The following PTBP3 variants were observed in gnomAD, a reference collection of about 807,000 sequenced individuals.
The protein encoded by PTBP3 is polypyrimidine tract-binding protein 3.
A neutral mutation model predicts 58.7 loss-of-function variants in PTBP3; 20 were observed. That is an observed-to-expected ratio of 0.34 (90% CI 0.24 to 0.50). PTBP3 has a LOEUF of 0.50. Ranked by LOEUF, PTBP3 falls within the 20% of genes least tolerant of loss-of-function variation. The probability of loss-of-function intolerance (pLI) is 0.98; values close to 1 mark genes in which losing one functional copy is unlikely to be tolerated. For synonymous variants in PTBP3, 185 were observed against 219.8 expected (o/e 0.84, Z 1.40); for missense variants, 509 against 637.2 (o/e 0.80, Z 2.17).
intron 12 of PTBP3, among the ~76,000 whole-genome samples, chr9:112,225,062 G>A (rs888415719): frequency 6.6e-6 from 1 of 152,156 alleles, no homozygotes; most frequent in Non-Finnish European, 1.5e-5. Context: ...AACAATATGA[G>A]ATAATAAACA....
chr9:112,252,745 G>A lies in PTBP3; in HGVS notation c.560C>T (p.Thr187Ile), dbSNP rs1354325454. 2 of 1,612,210 alleles carry A rather than the reference G, an allele frequency of 1.2e-6. No homozygotes were observed. The highest frequency in any genetic ancestry group is 1.1e-5 in the South Asian group (1 of 90,952). Reference protein sequence around the residue: ...FGTVLKIITFTKNNQFQALLQ... With the variant: ...FGTVLKIITFIKNNQFQALLQ... ...CAAGGCTTGAAACTGATTATTCTTT[G>A]TAAAGGTGATAATCTTCAAGACTGT... The change falls in exon 6 of 14, where the codon ACA (threonine) becomes ATA (isoleucine). Residue 187 changes from threonine to isoleucine, a missense_variant. Coordinates refer to ENST00000374257, the MANE Select transcript of PTBP3 (RefSeq NM_001163788.4).
At chr9:112,256,294 CATAT>C (rs370450580) in intron 5 of PTBP3, among the ~76,000 whole-genome samples, 42 of 59,014 alleles carry the variant, frequency 7.1e-4, no homozygotes, top group South Asian at 8.3e-4. Flanking sequence ...TATATATATA[CATAT>C]ATATATATAT....
intron 3 of PTBP3, among the ~76,000 whole-genome samples, 172 bp downstream of exon 3, chr9:112,275,669 TTAC>T (rs370260909): frequency 1.8e-4 from 28 of 152,288 alleles, no homozygotes; most frequent in African/African-American, 6.5e-4. Context: ...GTTTCCTGTG[TTAC>T]TACTGTTTGT....
At chr9:112,356,311 C>G in the PTBP3 span, among the ~76,000 whole-genome samples, 62 of 152,094 alleles carry the variant, frequency 4.1e-4, no homozygotes, top group African/African-American at 1.5e-3. Context: ...CCCAGAAGTC[C>G]TTCCCAGCAT....
In PTBP3 at chr9:112,325,718, T is replaced by C. The variant is rs114565172; in HGVS notation, c.-52+7752A>G. 4.7e-3 allele frequency among the ~76,000 whole-genome samples: 710 copies of C among 152,150 alleles called. 6 individuals are homozygous for C. Among genetic ancestry groups the C allele is most frequent in the African/African-American group, 0.016 (680 of 41,506 alleles). ...TTTATGCTCTATGATTCCATTTATA[T>C]GAGGTTCAAAAACAGGTAAAACTGG... On this transcript the variant is annotated intron_variant, in intron 1 of 13. Transcript: ENST00000374257.
the PTBP3 span, among the ~76,000 whole-genome samples, chr9:112,355,199 T>G: frequency 2.6e-5 from 4 of 152,162 alleles, no homozygotes; most frequent in African/African-American, 9.7e-5. Flanking sequence ...GACCAACCCC[T>G]GTGAGTGGGG....
intron 3 of PTBP3, among the ~76,000 whole-genome samples, chr9:112,272,079 ATT>A (rs796393403): frequency 1.5e-4 from 22 of 147,050 alleles, no homozygotes; most frequent in African/African-American, 3.3e-4. Flanking sequence ...TTTATTTTTT[ATT>A]TTTTTTTTGA....
rs74919015 is a variant in PTBP3 at position 112,259,902 on chromosome 9, A to C, written c.516+2533T>G. ...GAACTAGTTTCTTACATTGCTCTTT[A>C]CTAGCATTTGATCATTAGAGCTAAT... On this transcript the variant is annotated intron_variant, in intron 5 of 13. Transcript: ENST00000374257. Among the ~76,000 whole-genome samples the C allele has an allele frequency of 6.1e-3, 929 of 152,286 alleles. 27 individuals carry two copies. Among genetic ancestry groups the C allele is most frequent in the East Asian group, 0.011 (59 of 5,188 alleles).
intron 7 of PTBP3, among the ~76,000 whole-genome samples, chr9:112,249,026 C>A (rs1835996443): frequency 6.6e-6 from 1 of 152,060 alleles, no homozygotes; most frequent in Non-Finnish European, 1.5e-5. Context: ...AGCATGAGTC[C>A]ATTTATGTAA....
chr9:112,220,843 T>G lies in PTBP3; in HGVS notation c.*3008A>C, dbSNP rs550886633. ...TACTTTGTGTAGAAGTCAAGACACCTTGAAAAGTGATGACAATACTCCTTA... is the reference window on the plus strand; with the variant it reads ...TACTTTGTGTAGAAGTCAAGACACCGTGAAAAGTGATGACAATACTCCTTA... On this transcript the variant is annotated 3_prime_UTR_variant, in exon 14 of 14. Transcript: ENST00000374257. 506 of 969,496 alleles carry G rather than the reference T, an allele frequency of 5.2e-4. 3 individuals are homozygous for G. In the African/African-American group the frequency reaches 8.4e-3, roughly 16 times the overall value. The allele number at this position is 969,496 out of a possible 1,614,324, so 60.1% of individuals were successfully genotyped here.
the PTBP3 span, among the ~76,000 whole-genome samples, chr9:112,339,185 G>A: frequency 6.6e-6 from 1 of 151,538 alleles, no homozygotes; most frequent in African/African-American, 2.4e-5. Context: ...CAGCTACTCA[G>A]GAGGCTGAGG....
intron 5 of PTBP3, among the ~76,000 whole-genome samples, chr9:112,253,012 G>T (rs1241601671): frequency 6.6e-6 from 1 of 152,048 alleles, no homozygotes; most frequent in Non-Finnish European, 1.5e-5. Context: ...CTATTTTATG[G>T]GATATATAAA....
chr9:112,318,565 G>C (rs1437786990), intron 1 of PTBP3, among the ~76,000 whole-genome samples: 1 of 151,992 alleles, frequency 6.6e-6, no homozygotes, highest in East Asian at 1.9e-4. Flanking sequence ...TTCAAGACCA[G>C]CTTGGCCAAT....
chr9:112,294,665 T>C lies in PTBP3; in HGVS notation c.34+3167A>G, dbSNP rs141899739. ...ACTCATTTATGGAGGTTCCAGTGAA[T>C]ACATAACAAGTTAACAAAACAATCC... is the stretch of plus-strand genomic sequence containing the variant. On this transcript the variant is annotated intron_variant, in intron 2 of 13. Coordinates refer to ENST00000374257, the MANE Select transcript of PTBP3 (RefSeq NM_001163788.4). Among the ~76,000 whole-genome samples the C allele has an allele frequency of 7.4e-3, 1,123 of 152,320 alleles. 7 individuals carry two copies. The highest frequency in any genetic ancestry group is 0.02 in the Middle Eastern group (6 of 294).
chr9:112,377,049 T>G, the PTBP3 span, among the ~76,000 whole-genome samples: 2 of 152,262 alleles, frequency 1.3e-5, no homozygotes, highest in African/African-American at 4.8e-5. Flanking sequence ...GTTGTGTTAC[T>G]TCCCCATTGT....
chr9:112,333,917 C>G (rs1351346810), upstream of PTBP3, among the ~76,000 whole-genome samples: 1 of 150,472 alleles, frequency 6.6e-6, no homozygotes, highest in East Asian at 2.0e-4. Flanking sequence ...CCTTGTGCTT[C>G]CCGCTCCGCC....
At position 112,228,369 on chromosome 9, in the gene PTBP3, A is replaced by G. The variant is rs1366161525; in HGVS notation, c.1147+11T>C. 1 of 1,562,926 alleles carries G rather than the reference A, an allele frequency of 6.4e-7. No homozygotes were observed. Among genetic ancestry groups the G allele is most frequent in the Non-Finnish European group, 8.6e-7 (1 of 1,156,290 alleles). On this transcript the variant is annotated intron_variant, in intron 11 of 13. Coordinates refer to ENST00000374257, the MANE Select transcript of PTBP3 (RefSeq NM_001163788.4). ...TTCACATTATTATTAATAATTATTA[A>G]TCATTAGTACCTAGCTGAGCTTGAT...
chr9:112,224,268 T>C, intron 12 of PTBP3, 58 bp from the exon 13 acceptor site: 2 of 1,057,306 alleles, frequency 1.9e-6, no homozygotes, highest in Non-Finnish European at 2.7e-6. Flanking sequence ...TGAAGCAGAT[T>C]AACTCTTGCA....
intron 6 of PTBP3, 159 bp downstream of exon 6, chr9:112,252,519 G>GAAAA (rs5899995): frequency 6.2e-4 from 347 of 555,228 alleles, no homozygotes; most frequent in South Asian, 1.1e-3. Context: ...TTTTAGCTTA[G>GAAAA]AAAAAAAAAA....
Sources: gnomAD v4.1 joint callset for allele counts (sites outside exome capture counted in the v4.1 genomes callset) on GRCh38, gnomAD v4.1.1 for gene constraint, MANE v1.5 for transcripts, NCBI Gene and HGNC (gene_info 2026-07-23, HGNC 2026-07-21) for gene names.